CHD9: variants seen among roughly 807,000 people sequenced by gnomAD.
CHD9 encodes ATP-dependent chromatin remodeler CHD9.
A neutral mutation model predicts 316.1 loss-of-function variants in CHD9; 77 were observed. The observed-to-expected ratio is 0.24, with a 90% CI of 0.20 to 0.29. CHD9 has a LOEUF of 0.29. CHD9 is among the 10% of genes least tolerant of loss of function. CHD9 has a pLI of 1.00. For synonymous variants in CHD9, 1,129 were observed against 1,158.3 expected (o/e 0.97, Z 0.51); for missense variants, 2,763 against 3,438.1 (o/e 0.80, Z 4.91).
chr16:53,173,744 C>T (rs1360863481), intron 2 of CHD9, among the ~76,000 whole-genome samples: 1 of 151,994 alleles, frequency 6.6e-6, no homozygotes, highest in African/African-American at 2.4e-5. Context: ...TGGGGTTTCA[C>T]CGTGTTAGCC....
intron 19 of CHD9, among the ~76,000 whole-genome samples, chr16:53,262,116 G>GT (rs1354829162): frequency 2.0e-5 from 3 of 152,088 alleles, no homozygotes; most frequent in Non-Finnish European, 4.4e-5. Context: ...AGTCTCCTTT[G>GT]AAAATCGTTT....
intron 1 of CHD9, among the ~76,000 whole-genome samples, chr16:53,082,271 C>T (rs913290361): frequency 4.8e-5 from 7 of 147,242 alleles, no homozygotes; most frequent in Non-Finnish European, 8.9e-5. Flanking sequence ...AGCATCTTGC[C>T]CTGTCATCCA....
intron 16 of CHD9, chr16:53,248,234 G>C: frequency 6.6e-6 from 1 of 151,572 alleles, no homozygotes; most frequent in Non-Finnish European, 1.5e-5. Flanking sequence ...TATTCGGGAG[G>C]CTGAGGCGGG....
At chr16:53,300,392 T>A (rs1246963935) in intron 30 of CHD9, among the ~76,000 whole-genome samples, 1 of 151,412 alleles carries the variant, frequency 6.6e-6, no homozygotes, top group Non-Finnish European at 1.5e-5. Flanking sequence ...TTTATTGCCA[T>A]CCTGCTTCCA....
intron 2 of CHD9, among the ~76,000 whole-genome samples, chr16:53,202,639 A>G (rs570384421): frequency 6.6e-6 from 1 of 152,114 alleles, no homozygotes; most frequent in African/African-American, 2.4e-5. Context: ...CTAGATGTAC[A>G]TTTGTATTTA....
intron 24 of CHD9, among the ~76,000 whole-genome samples, chr16:53,274,580 C>T (rs990803663): frequency 6.6e-6 from 1 of 152,058 alleles, no homozygotes; most frequent in Admixed American, 6.5e-5. Flanking sequence ...CTCAGCCTCC[C>T]GAGTAGCTGG....
chr16:53,322,719 A>G (rs1366407525), intron 38 of CHD9, among the ~76,000 whole-genome samples: 2 of 152,220 alleles, frequency 1.3e-5, no homozygotes, highest in Admixed American at 6.5e-5. Flanking sequence ...TGAATAATTA[A>G]TAGATATTAT....
chr16:53,082,918 C>T (rs1210224225), intron 1 of CHD9, among the ~76,000 whole-genome samples: 32 of 152,212 alleles, frequency 2.1e-4, no homozygotes, highest in Admixed American at 2.1e-3. Context: ...TATCTGAGTG[C>T]TCACCCTGCT....
intron 2 of CHD9, among the ~76,000 whole-genome samples, chr16:53,173,836 G>A (rs1296898985): frequency 6.6e-6 from 1 of 151,950 alleles, no homozygotes; most frequent in Non-Finnish European, 1.5e-5. Context: ...GAGCCACCGT[G>A]CCCAGCCAAA....
At chr16:53,232,554 TTTCC>T (rs979892221) in intron 10 of CHD9, among the ~76,000 whole-genome samples, 3 of 152,132 alleles carry the variant, frequency 2.0e-5, no homozygotes, top group African/African-American at 7.2e-5. Context: ...TTTGTTTTGT[TTTCC>T]TTTCTTTTTG....
At chr16:53,058,596 T>G (rs2032457564) in intron 1 of CHD9, among the ~76,000 whole-genome samples, 1 of 152,016 alleles carries the variant, frequency 6.6e-6, no homozygotes, top group Admixed American at 6.6e-5. Context: ...AGTGTGGTGG[T>G]GAAAGGGAGA....
At chr16:53,264,316 T>C (rs896235121) in intron 20 of CHD9, among the ~76,000 whole-genome samples, 2 of 152,128 alleles carry the variant, frequency 1.3e-5, no homozygotes, top group African/African-American at 4.8e-5. Context: ...ACATGTACAA[T>C]GATAATATAG....
chr16:53,194,831 G>A (rs1219059826), intron 2 of CHD9, among the ~76,000 whole-genome samples: 1 of 152,140 alleles, frequency 6.6e-6, no homozygotes. Flanking sequence ...CCTGGTATTA[G>A]AGGAAATAGG....
At chr16:53,085,858 G>A (rs537065348) in intron 1 of CHD9, among the ~76,000 whole-genome samples, 1 of 152,204 alleles carries the variant, frequency 6.6e-6, no homozygotes, top group East Asian at 1.9e-4. Flanking sequence ...ATTGAGGTGT[G>A]TTCTCCTAAG....
intron 1 of CHD9, among the ~76,000 whole-genome samples, chr16:53,068,239 T>C (rs1260801940): frequency 6.6e-6 from 1 of 152,158 alleles, no homozygotes; most frequent in Non-Finnish European, 1.5e-5. Flanking sequence ...AGGCACATAG[T>C]AGTCCTCTAT....
intron 1 of CHD9, among the ~76,000 whole-genome samples, chr16:53,142,071 T>C (rs902765340): frequency 6.6e-6 from 1 of 152,192 alleles, no homozygotes; most frequent in African/African-American, 2.4e-5. Context: ...AATTTAGATA[T>C]CATAAAATAT....
chr16:53,318,585 A>T (rs985451682), intron 37 of CHD9, among the ~76,000 whole-genome samples: 1 of 152,244 alleles, frequency 6.6e-6, no homozygotes, highest in Non-Finnish European at 1.5e-5. Flanking sequence ...GCCATTGCAC[A>T]TGATTGTACA....
rs769127769 is a variant in CHD9, at chr16:53,268,116, G to A, written c.4707G>A (p.Gln1569=). 6.2e-7 allele frequency: 1 copy of A among 1,604,836 alleles called. No individual in the cohort carries two copies. Among genetic ancestry groups the A allele is most frequent in the Non-Finnish European group, 8.5e-7 (1 of 1,174,602 alleles). ...PTEDGQTREL[Q]NHLGLSAPVP... ...AAGATGGACAGACACGAGAGCTACA[G>A]AATCATCTAGGTAAGAACATTGTTT... Residue 1569 remains glutamine (Q), a synonymous_variant, in exon 22 of 39, where the codon CAG becomes CAA. Coordinates refer to ENST00000447540, the MANE Select transcript of CHD9 (RefSeq NM_001308319.2).
intron 37 of CHD9, 37 bp downstream of exon 37, chr16:53,318,377 T>G: frequency 6.6e-7 from 1 of 1,512,284 alleles, no homozygotes; most frequent in Non-Finnish European, 9.0e-7. Context: ...TTTGTATTGA[T>G]TCAATATTTA....
Sources: gnomAD v4.1 joint callset for allele counts (sites outside exome capture counted in the v4.1 genomes callset) on GRCh38, gnomAD v4.1.1 for gene constraint, MANE v1.5 for transcripts, NCBI Gene and HGNC (gene_info 2026-07-23, HGNC 2026-07-21) for gene names.